DNAL4: variants seen among roughly 807,000 people sequenced by gnomAD.
DNAL4 encodes dynein light chain, outer arm 4.
In DNAL4, 10 loss-of-function variants were observed where a neutral mutation model predicts 12.6. That is an observed-to-expected ratio of 0.79 (90% CI 0.49 to 1.34). The LOEUF (loss-of-function observed/expected upper bound fraction) is 1.34. Among genes scored for constraint, DNAL4 ranks in the 40% most tolerant of loss-of-function variants. The pLI, the probability that DNAL4 is intolerant of heterozygous loss-of-function variation, is 0.00. For missense variants in DNAL4, 128 were observed against 138.1 expected (o/e 0.93, Z 0.37); for synonymous variants, 46 against 53.1 (o/e 0.87, Z 0.58).
At chr22:38,786,888 A>C (rs983179920) in intron 1 of DNAL4, among the ~76,000 whole-genome samples, 1 of 152,194 alleles carries the variant, frequency 6.6e-6, no homozygotes, top group African/African-American at 2.4e-5. Flanking sequence ...CTCAGTCACC[A>C]TTCACTATTC....
chr22:38,779,487 C>G lies in DNAL4; in HGVS notation c.280G>C (p.Gly94Arg). The change falls in exon 4 of 4, where the codon GGG (glycine) becomes CGG (arginine). Residue 94 changes from glycine (G) to arginine (R), a missense_variant. Coordinates refer to ENST00000216068, the MANE Select transcript of DNAL4 (RefSeq NM_005740.3). This position sits in a 1 kb window ranked among gnomAD's most constrained non-coding sequence, Gnocchi z 4.3. ...EVKNLLYLYF[G>R]GTLAVCVWKC... Reference sequence around the variant, plus strand: ...CAGACGCACACAGCCAGGGTGCCCCCGAAGTACAGGTAGAGGAGGTTCTTC... The same window carrying G: ...CAGACGCACACAGCCAGGGTGCCCCGGAAGTACAGGTAGAGGAGGTTCTTC... The G allele has an allele frequency of 6.3e-7, 1 of 1,580,536 alleles. No homozygotes were observed. Among genetic ancestry groups the G allele is most frequent in the South Asian group, 1.2e-5 (1 of 86,506 alleles).
chr22:38,786,067 A>C (rs1474001911), intron 1 of DNAL4: 1 of 152,234 alleles, frequency 6.6e-6, no homozygotes, highest in African/African-American at 2.4e-5. Flanking sequence ...GAAAGGCAGG[A>C]GAATTTTTTA....
rs1009265709 is a variant in DNAL4 at position 38,779,834 on chromosome 22, A to G, written c.154-221T>C. On this transcript the variant is annotated intron_variant, in intron 3 of 3. Coordinates refer to ENST00000216068, the MANE Select transcript of DNAL4 (RefSeq NM_005740.3). This position sits in a 1 kb window ranked among gnomAD's most constrained non-coding sequence, Gnocchi z 4.3. ...AAAACTAGACATTACTCAGCAGTCA[A>G]GAAGAAACTGGCTGAGGCGGGAAGG... 2.0e-5 allele frequency among the ~76,000 whole-genome samples: 3 copies of G among 152,186 alleles called. No homozygotes were observed. Among genetic ancestry groups the G allele is most frequent in the Non-Finnish European group, 4.4e-5 (3 of 68,028 alleles).
chr22:38,783,847 C>T (rs138292230), intron 1 of DNAL4, among the ~76,000 whole-genome samples: 2 of 152,306 alleles, frequency 1.3e-5, no homozygotes, highest in African/African-American at 4.8e-5. Flanking sequence ...ATGGCTGTTC[C>T]CTAACCGACG....
chr22:38,791,260 G>A (rs1416582077), intron 1 of DNAL4, among the ~76,000 whole-genome samples: 2 of 152,108 alleles, frequency 1.3e-5, no homozygotes, highest in African/African-American at 2.4e-5. Context: ...AAGCGTACAG[G>A]ACAGGAAGTT....
chr22:38,782,619 T>C lies in DNAL4; in HGVS notation c.69+44A>G. 1 of 1,599,290 alleles carries C rather than the reference T, an allele frequency of 6.3e-7. No homozygotes were observed. Among genetic ancestry groups the C allele is most frequent in the Non-Finnish European group, 8.6e-7 (1 of 1,168,840 alleles). ...GCTCCACCCACCTCTCTCCAGGCTG[T>C]GTGGGCCCTGCCGGCAGTCCTGCCT... On this transcript the variant is annotated intron_variant, in intron 2 of 3. Coordinates refer to ENST00000216068, the MANE Select transcript of DNAL4 (RefSeq NM_005740.3). This position sits in a 1 kb window ranked among gnomAD's most constrained non-coding sequence, Gnocchi z 5.1.
At chr22:38,789,247 A>G (rs1276675935) in intron 1 of DNAL4, among the ~76,000 whole-genome samples, 2 of 152,204 alleles carry the variant, frequency 1.3e-5, no homozygotes, top group African/African-American at 4.8e-5. Flanking sequence ...TTGCAGGTAT[A>G]TATGACTTCA....
intron 1 of DNAL4, among the ~76,000 whole-genome samples, chr22:38,786,800 C>G: frequency 6.6e-6 from 1 of 152,168 alleles, no homozygotes; most frequent in South Asian, 2.1e-4. Context: ...TGGGCACAGA[C>G]AAGGGCCCTT....
At position 38,779,487 on chromosome 22, in the gene DNAL4, C is replaced by A. The variant is rs748198441; in HGVS notation, c.280G>T (p.Gly94Trp). 2 of 1,580,532 alleles carry A rather than the reference C, an allele frequency of 1.3e-6. No homozygotes were observed. The highest frequency in any genetic ancestry group is 4.6e-5 in the East Asian group (2 of 43,076). ...EVKNLLYLYFGGTLAVCVWKC... is the reference protein window; with the variant it reads ...EVKNLLYLYFWGTLAVCVWKC... ...CAGACGCACACAGCCAGGGTGCCCCCGAAGTACAGGTAGAGGAGGTTCTTC... is the reference window on the plus strand; with the variant it reads ...CAGACGCACACAGCCAGGGTGCCCCAGAAGTACAGGTAGAGGAGGTTCTTC... The change falls in exon 4 of 4, where the codon GGG (glycine) becomes TGG (tryptophan). Residue 94 changes from glycine to tryptophan, a missense_variant. By Grantham distance (184) the Gly-to-Trp change is radical (BLOSUM62 -2). Transcript: ENST00000216068. This position sits in a 1 kb window ranked among gnomAD's most constrained non-coding sequence, Gnocchi z 4.3.
chr22:38,789,834 C>T (rs1411602209), intron 1 of DNAL4, among the ~76,000 whole-genome samples: 2 of 152,090 alleles, frequency 1.3e-5, no homozygotes, highest in Non-Finnish European at 2.9e-5. Context: ...AACAGGTGGA[C>T]GAGGTGAGGA....
At chr22:38,784,957 G>C (rs2093039930) in intron 1 of DNAL4, among the ~76,000 whole-genome samples, 1 of 150,218 alleles carries the variant, frequency 6.7e-6, no homozygotes, top group African/African-American at 2.5e-5. Context: ...CTCGCATGAG[G>C]CTGGAAGCCT....
chr22:38,780,300 C>T (rs1019681682), intron 3 of DNAL4, among the ~76,000 whole-genome samples: 2 of 152,212 alleles, frequency 1.3e-5, no homozygotes, highest in African/African-American at 4.8e-5. Flanking sequence ...GAGGCACCAT[C>T]GCCACCCTCC....
In DNAL4 at chr22:38,779,229, G is replaced by A. The variant is rs144554397; in HGVS notation, c.*220C>T. The A allele has an allele frequency of 2.6e-3, 1,431 of 543,682 alleles. 18 individuals are homozygous for A. Among genetic ancestry groups the A allele is most frequent in the African/African-American group, 0.025 (1,337 of 53,304 alleles). 33.7% of individuals were successfully genotyped at this position (543,682 alleles called of 1,614,324 possible). On this transcript the variant is annotated 3_prime_UTR_variant, in exon 4 of 4. Coordinates refer to ENST00000216068, the MANE Select transcript of DNAL4 (RefSeq NM_005740.3). The surrounding 1 kb of genome is among the most constrained non-coding windows in gnomAD (Gnocchi z 4.3). ...TCTCCCACACAGACCCATGCCCGCTGCCCCGTCCACACCCTGAGACTCCGA... is the reference window on the plus strand; with the variant it reads ...TCTCCCACACAGACCCATGCCCGCTACCCCGTCCACACCCTGAGACTCCGA...
chr22:38,792,346 T>A (rs983763714), intron 1 of DNAL4, among the ~76,000 whole-genome samples: 1 of 151,948 alleles, frequency 6.6e-6, no homozygotes, highest in African/African-American at 2.4e-5. Context: ...GCAATGGCGC[T>A]ATCTCGGCGC....
intron 1 of DNAL4, chr22:38,785,504 CTG>C (rs928051243): frequency 2.0e-5 from 3 of 152,236 alleles, no homozygotes; most frequent in African/African-American, 7.2e-5. Context: ...AGGTCAGGGT[CTG>C]TGACAGCTGC....
At chr22:38,789,997 C>T (rs375903044) in intron 1 of DNAL4, among the ~76,000 whole-genome samples, 47 of 152,238 alleles carry the variant, frequency 3.1e-4, no homozygotes, top group African/African-American at 8.9e-4. Context: ...GGGCTGTGGA[C>T]GTGTAGATGG....
In DNAL4 at chr22:38,791,133, C is replaced by G. The variant is rs144898458; in HGVS notation, c.-140+2935G>C. On this transcript the variant is annotated intron_variant, in intron 1 of 3. Transcript: ENST00000216068. ...AGTGAGCAGAAATCACACCACTGCACTCCAGCCTGGGCAGCAGAGCGAGTC... is the reference window on the plus strand; with the variant it reads ...AGTGAGCAGAAATCACACCACTGCAGTCCAGCCTGGGCAGCAGAGCGAGTC... Among the ~76,000 whole-genome samples, 449 of 150,664 alleles carry G rather than the reference C, an allele frequency of 3.0e-3. 3 individuals carry two copies. The highest frequency in any genetic ancestry group is 0.011 in the African/African-American group (433 of 40,998).
chr22:38,787,028 C>A (rs1053202209), intron 1 of DNAL4, among the ~76,000 whole-genome samples: 5 of 152,126 alleles, frequency 3.3e-5, no homozygotes, highest in African/African-American at 1.2e-4. Context: ...GGCAGCCATT[C>A]AATGTCTGGA....
At position 38,779,151 on chromosome 22, in the gene DNAL4, C is replaced by A. The variant is rs140264912; in HGVS notation, c.*298G>T. On this transcript the variant is annotated 3_prime_UTR_variant, in exon 4 of 4. Coordinates refer to ENST00000216068, the MANE Select transcript of DNAL4 (RefSeq NM_005740.3). This position sits in a 1 kb window ranked among gnomAD's most constrained non-coding sequence, Gnocchi z 4.3. Reference sequence around the variant, plus strand: ...AAAGGGGGACTGGCGTGTTCCTGTGCGGAAGATCTCATCTCCCACCTCCTC... The same window carrying A: ...AAAGGGGGACTGGCGTGTTCCTGTGAGGAAGATCTCATCTCCCACCTCCTC... 3.6e-3 allele frequency: 929 copies of A among 256,262 alleles called. 6 individuals carry two copies. The highest frequency in any genetic ancestry group is 0.019 in the African/African-American group (876 of 45,244). 15.9% of individuals were successfully genotyped at this position (256,262 alleles called of 1,614,324 possible). A position where few individuals can be genotyped will look rare whatever the true frequency, so the allele number is the denominator to read the frequency against.
Sources: allele counts gnomAD v4.1 joint callset (sites outside exome capture counted in the v4.1 genomes callset), GRCh38; gene constraint gnomAD v4.1.1; non-coding constraint Gnocchi (gnomAD v3.1); transcripts MANE v1.5; gene names NCBI Gene and HGNC (gene_info 2026-07-23, HGNC 2026-07-21).